The following ITGA2 variants were observed in gnomAD, a reference collection of about 807,000 sequenced individuals.
The protein encoded by ITGA2 is integrin alpha-2.
A neutral mutation model predicts 146.3 loss-of-function variants in ITGA2; 101 were observed. The ratio of observed to expected loss-of-function variants is 0.69; its 90% confidence interval spans 0.59 to 0.81. ITGA2 has a LOEUF of 0.81. Among genes scored for constraint, ITGA2 ranks in the 40% least tolerant of loss-of-function variants. ITGA2 has a pLI of 0.00. For synonymous variants in ITGA2, 477 were observed against 487.1 expected (o/e 0.98, Z 0.27); for missense variants, 1,281 against 1,402.7 (o/e 0.91, Z 1.39).
At chr5:53,014,826 AG>A (rs1742323332) in intron 1 of ITGA2, among the ~76,000 whole-genome samples, 1 of 151,990 alleles carries the variant, frequency 6.6e-6, no homozygotes, top group Non-Finnish European at 1.5e-5. Context: ...CAATATTAAG[AG>A]GTTGTATGTT....
Position 53,080,472 on chromosome 5 carries a change from A to T in ITGA2, c.2929-39A>T, listed in dbSNP as rs371426652. ...TGGTGAATTTCCTTGCATCATGTAC[A>T]TCCTGTTGCAGTACTGGCACATTTT... On this transcript the variant is annotated intron_variant, in intron 24 of 29. Transcript: ENST00000296585. 5 of 1,478,774 alleles carry T rather than the reference A, an allele frequency of 3.4e-6. No homozygotes were observed. In the African/African-American group the frequency reaches 6.9e-5, roughly 20 times the overall value. 91.6% of individuals were successfully genotyped at this position (1,478,774 alleles called of 1,614,324 possible). A position where few individuals can be genotyped will look rare whatever the true frequency, so the allele number is the denominator to read the frequency against.
chr5:53,018,471 T>G (rs1455890488), intron 1 of ITGA2, among the ~76,000 whole-genome samples: 2 of 151,990 alleles, frequency 1.3e-5, no homozygotes, highest in Non-Finnish European at 2.9e-5. Context: ...CTGGGCAGCC[T>G]CGTGTAGGGC....
chr5:52,996,978 A>C (rs1222900911), intron 1 of ITGA2, among the ~76,000 whole-genome samples: 1 of 152,238 alleles, frequency 6.6e-6, no homozygotes, highest in Non-Finnish European at 1.5e-5. Context: ...AAAGCATTTC[A>C]AAACATTTTC....
chr5:52,990,366 G>A (rs1740880428), intron 1 of ITGA2: 1 of 152,328 alleles, frequency 6.6e-6, no homozygotes, highest in African/African-American at 2.4e-5. Context: ...ACTAAGAGGA[G>A]GAAATAAGGC....
At position 53,063,461 on chromosome 5, in the gene ITGA2, CA is replaced by C. The variant is rs3212686; in HGVS notation, c.1602+539del. On this transcript the variant is annotated intron_variant, in intron 13 of 29. Coordinates refer to ENST00000296585, the MANE Select transcript of ITGA2 (RefSeq NM_002203.4). Reference sequence around the variant, plus strand: ...ACTCTTGAAGTTTCAAGTCCTTCCACAAAAAAACACCATACATTAACATGGC... The same window carrying C: ...ACTCTTGAAGTTTCAAGTCCTTCCACAAAAAACACCATACATTAACATGGC... Among the ~76,000 whole-genome samples the C allele has an allele frequency of 4.5e-4, 68 of 151,764 alleles. 1 individual carries two copies. Among genetic ancestry groups the C allele is most frequent in the Non-Finnish European group, 6.3e-4 (43 of 67,820 alleles).
chr5:53,009,723 G>A (rs1209792100), intron 1 of ITGA2, among the ~76,000 whole-genome samples: 1 of 152,102 alleles, frequency 6.6e-6, no homozygotes, highest in Non-Finnish European at 1.5e-5. Flanking sequence ...CAAAATGCAT[G>A]TGTTGAAATG....
chr5:53,032,179 A>T (rs1743257381), intron 2 of ITGA2, among the ~76,000 whole-genome samples: 1 of 152,220 alleles, frequency 6.6e-6, no homozygotes, highest in Admixed American at 6.5e-5. Context: ...AAAATAAAAA[A>T]AATCCACCTA....
chr5:53,090,915 A>C lies in ITGA2; in HGVS notation c.*316A>C, dbSNP rs1410517902. 8 of 557,746 alleles carry C rather than the reference A, an allele frequency of 1.4e-5. No individual in the cohort carries two copies. The highest frequency in any genetic ancestry group is 7.5e-5 in the African/African-American group (4 of 53,374). The allele number at this position is 557,746 out of a possible 1,614,324, so 34.5% of individuals were successfully genotyped here. A position where few individuals can be genotyped will look rare whatever the true frequency, so the allele number is the denominator to read the frequency against. On this transcript the variant is annotated 3_prime_UTR_variant, in exon 30 of 30. Coordinates refer to ENST00000296585, the MANE Select transcript of ITGA2 (RefSeq NM_002203.4). ...GTGTCAGAAACATGAAATGCTTCCA[A>C]GCATGACAACTTTTAAAGAAAAATA...
intron 9 of ITGA2, among the ~76,000 whole-genome samples, chr5:53,056,980 C>T (rs543493987): frequency 1.3e-5 from 2 of 152,036 alleles, no homozygotes; most frequent in Admixed American, 6.6e-5. Context: ...CATTCATATA[C>T]TCAAATCTTG....
At position 53,068,624 on chromosome 5, in the gene ITGA2, C is replaced by T. The variant is rs193054288; in HGVS notation, c.2083+1367C>T. Among the ~76,000 whole-genome samples the T allele has an allele frequency of 1.0e-3, 152 of 151,740 alleles. 1 individual carries two copies. The highest frequency in any genetic ancestry group is 2.3e-3 in the East Asian group (12 of 5,110). On this transcript the variant is annotated intron_variant, in intron 16 of 29. Coordinates refer to ENST00000296585, the MANE Select transcript of ITGA2 (RefSeq NM_002203.4). ...CCTTTCTTACTATTGGGCATCTTTCCCTTTAAATCTTTTTTCCTGATGCCT... is the reference window on the plus strand; with the variant it reads ...CCTTTCTTACTATTGGGCATCTTTCTCTTTAAATCTTTTTTCCTGATGCCT...
rs1421325525 is a variant in ITGA2 at position 53,010,733 on chromosome 5, T to TG, written c.65-16009dup. 3.3e-5 allele frequency among the ~76,000 whole-genome samples: 5 copies of TG among 152,156 alleles called. No homozygotes were observed. The East Asian group carries it at 9.6e-4, about 29-fold the overall frequency. On this transcript the variant is annotated intron_variant, in intron 1 of 29. Coordinates refer to ENST00000296585, the MANE Select transcript of ITGA2 (RefSeq NM_002203.4). ...TTGCATGTGGCATGAATGTGAATTTTGGGGGGCCAGGTGACAGAGTATAGT... is the reference window on the plus strand; with the variant it reads ...TTGCATGTGGCATGAATGTGAATTTTGGGGGGGCCAGGTGACAGAGTATAGT...
chr5:53,083,564 G>A (rs2112032175), intron 27 of ITGA2, 111 bp downstream of exon 27: 1 of 751,738 alleles, frequency 1.3e-6, no homozygotes. Context: ...GTCTGCAATG[G>A]CCAAATAACC....
In ITGA2 at chr5:53,048,529, G is replaced by T. The variant is rs929330993; in HGVS notation, c.502+52G>T. 41 of 1,608,228 alleles carry T rather than the reference G, an allele frequency of 2.5e-5. 1 individual carries two copies. The highest frequency in any genetic ancestry group is 3.3e-5 in the Non-Finnish European group (39 of 1,174,888). On this transcript the variant is annotated intron_variant, in intron 5 of 29. Transcript: ENST00000296585. ...GAGCAATGCCTTACAGTTAAAGGAG[G>T]GGGAAAAGGTTATCAACTAGTGGCA...
intron 1 of ITGA2, among the ~76,000 whole-genome samples, chr5:52,995,692 A>G (rs1313111597): frequency 1.3e-5 from 2 of 152,218 alleles, no homozygotes; most frequent in African/African-American, 4.8e-5. Context: ...TAATTAGCAA[A>G]TAGTTATATG....
Position 53,048,438 on chromosome 5 carries a change from G to A in ITGA2, c.463G>A (p.Asp155Asn). 1 of 1,614,120 alleles carries A rather than the reference G, an allele frequency of 6.2e-7. No individual in the cohort carries two copies. Among genetic ancestry groups the A allele is most frequent in the Admixed American group, 1.7e-5 (1 of 60,008 alleles). Reference protein sequence around the residue: ...TTGVCSDISPDFQLSASFSPA... With the variant: ...TTGVCSDISPNFQLSASFSPA... ...GGGTGTGTGTTCTGACATCAGTCCTGATTTTCAGCTCTCAGCCAGCTTCTC... is the reference window on the plus strand; with the variant it reads ...GGGTGTGTGTTCTGACATCAGTCCTAATTTTCAGCTCTCAGCCAGCTTCTC... The change falls in exon 5 of 30, where the codon GAT becomes AAT. Residue 155 changes from aspartate (D) to asparagine (N), a missense_variant. Asp to Asn is a conservative substitution (Grantham distance 23). Around this residue, in one of 3 missense-constraint regions of ITGA2, gnomAD observed 795 missense variants for 841.7 expected, o/e 0.94. Coordinates refer to ENST00000296585, the MANE Select transcript of ITGA2 (RefSeq NM_002203.4).
At chr5:53,089,821 T>A in intron 28 of ITGA2, 125 bp from the exon 29 acceptor site, 1 of 744,948 alleles carries the variant, frequency 1.3e-6, no homozygotes. Context: ...TACGCCATCA[T>A]GAGCAAGTCT....
intron 24 of ITGA2, among the ~76,000 whole-genome samples, chr5:53,079,820 T>C (rs1745832017): frequency 6.6e-6 from 1 of 152,126 alleles, no homozygotes; most frequent in Admixed American, 6.6e-5. Flanking sequence ...GCTTTACATA[T>C]GTTATCCCAT....
At chr5:53,070,040 TA>T in intron 16 of ITGA2, 68 bp from the exon 17 acceptor site, 1 of 1,293,384 alleles carries the variant, frequency 7.7e-7, no homozygotes, top group South Asian at 1.2e-5. Context: ...GAAGACACAA[TA>T]AAGCAAAGAT....
intron 2 of ITGA2, among the ~76,000 whole-genome samples, chr5:53,027,451 T>C (rs1421212011): frequency 6.6e-6 from 1 of 152,248 alleles, no homozygotes; most frequent in African/African-American, 2.4e-5. Context: ...TTACATGCTA[T>C]GTGATGGTTA....
Sources: gnomAD v4.1 joint callset for allele counts (sites outside exome capture counted in the v4.1 genomes callset) on GRCh38, gnomAD v4.1.1 for gene constraint, gnomAD v4.1.1 regional missense constraint, MANE v1.5 for transcripts, NCBI Gene and HGNC (gene_info 2026-07-23, HGNC 2026-07-21) for gene names.